Variants in CRAT observed in about 807,000 individuals in gnomAD.
CRAT encodes the protein carnitine acetylase.
A neutral mutation model predicts 73.7 loss-of-function variants in CRAT; 66 were observed. The observed-to-expected ratio is 0.90, with a 90% CI of 0.73 to 1.10. CRAT has a LOEUF of 1.10. Among genes scored for constraint, CRAT ranks in the 50% least tolerant of loss-of-function variants. The pLI is 0.00. For missense variants in CRAT, 745 were observed against 846.9 expected (o/e 0.88, Z 1.49); for synonymous variants, 321 against 343.2 (o/e 0.94, Z 0.71).
At chr9:129,104,903 C>CTTTTTTTT (rs36193924) in intron 2 of CRAT, among the ~76,000 whole-genome samples, 3 of 103,478 alleles carry the variant, frequency 2.9e-5, no homozygotes, top group Non-Finnish European at 5.6e-5. Context: ...TGTGCCCGGT[C>CTTTTTTTT]TTTTTTTTTT....
At chr9:129,108,370 G>T in intron 1 of CRAT, 1 of 1,219,052 alleles carries the variant, frequency 8.2e-7, no homozygotes, top group Non-Finnish European at 1.0e-6. Context: ...GAGGGGGACC[G>T]CCCACCTGTT....
chr9:129,100,044 G>T, intron 7 of CRAT, 78 bp from the exon 8 acceptor site: 1 of 1,117,734 alleles, frequency 8.9e-7, no homozygotes, highest in African/African-American at 1.5e-5. Flanking sequence ...CTTTGGTTGA[G>T]GCAAGGGCCT....
rs1174310824 is a variant in CRAT, at chr9:129,100,663, A to G, written c.832T>C (p.Ser278Pro). 6.8e-6 allele frequency: 11 copies of G among 1,613,758 alleles called. No individual in the cohort carries two copies. The East Asian group carries it at 2.0e-4, about 29-fold the overall frequency. ...KDKVNRDSVR[S>P]IQKSIFTVCL... ...ACGGTGAAGATGCTCTTCTGGATGG[A>G]GCGCACGGAATCCCGGTTCACCTTG... The change falls in exon 7 of 14, where the codon TCC becomes CCC. Residue 278 changes from serine (S) to proline (P), a missense_variant. By Grantham distance (74) the Ser-to-Pro change is moderately conservative. Transcript: ENST00000318080.
In CRAT at chr9:129,110,612, C is replaced by T; in HGVS notation, c.-103G>A. On this transcript the variant is annotated 5_prime_UTR_variant, in exon 1 of 14. Coordinates refer to ENST00000318080, the MANE Select transcript of CRAT (RefSeq NM_000755.5). The surrounding 1 kb of genome is among the most constrained non-coding windows in gnomAD (Gnocchi z 5.3). ...TGGGGTCGGTGGGTCCTTGCTAGAGCCTTCGGGCCAAGGTCGCTGAGTTAC... is the reference window on the plus strand; with the variant it reads ...TGGGGTCGGTGGGTCCTTGCTAGAGTCTTCGGGCCAAGGTCGCTGAGTTAC... The T allele has an allele frequency of 1.5e-6, 2 of 1,318,098 alleles. No homozygotes were observed. Among genetic ancestry groups the T allele is most frequent in the African/African-American group, 1.6e-5 (1 of 64,384 alleles). The allele number at this position is 1,318,098 out of a possible 1,614,324, so 81.7% of individuals were successfully genotyped here.
chr9:129,095,554 C>A lies in CRAT; in HGVS notation c.1724G>T (p.Gly575Val), dbSNP rs940524752. The A allele has an allele frequency of 6.2e-7, 1 of 1,613,442 alleles. No individual in the cohort carries two copies. ...FFGPVVPDGYGVCYNPMEAHI... is the reference protein window; with the variant it reads ...FFGPVVPDGYVVCYNPMEAHI... ...GGCCTCCATGGGGTTATAGCAGACA[C>A]CGTAGCCGTCGGGGACCACGGGCCC... Residue 575 changes from glycine (G) to valine (V), a missense_variant, in exon 14 of 14, where the codon GGT becomes GTT. Coordinates refer to ENST00000318080, the MANE Select transcript of CRAT (RefSeq NM_000755.5).
intron 10 of CRAT, 25 bp from the exon 11 acceptor site, chr9:129,098,173 G>A (rs369726339): frequency 3.7e-6 from 6 of 1,613,130 alleles, no homozygotes; most frequent in Admixed American, 1.7e-5. Context: ...GGCTAAGCAC[G>A]CCCCTTGGAG....
intron 1 of CRAT, chr9:129,108,656 CAGAGAG>C: frequency 8.1e-7 from 1 of 1,234,946 alleles, no homozygotes; most frequent in Non-Finnish European, 1.1e-6. Context: ...TGAGAGGCGG[CAGAGAG>C]AGAAAGAGAA....
chr9:129,096,507 C>T (rs901592741), intron 12 of CRAT, among the ~76,000 whole-genome samples: 3 of 152,230 alleles, frequency 2.0e-5, no homozygotes, highest in Admixed American at 6.5e-5. Flanking sequence ...TCTAAATGGA[C>T]GTGTGCATGT....
chr9:129,107,733 C>T lies in CRAT; in HGVS notation c.291+81G>A, dbSNP rs535517320. ...CACGAAACTCTGGGCAGCAAACGAA[C>T]GGCCGTGCCAGAGCAGTGGGCACTG... On this transcript the variant is annotated intron_variant, in intron 2 of 13. Coordinates refer to ENST00000318080, the MANE Select transcript of CRAT (RefSeq NM_000755.5). The surrounding 1 kb of genome is among the most constrained non-coding windows in gnomAD (Gnocchi z 5.0). 6.2e-5 allele frequency: 100 copies of T among 1,602,056 alleles called. 1 individual carries two copies. In the African/African-American group the frequency reaches 7.6e-4, roughly 12 times the overall value.
intron 12 of CRAT, 66 bp downstream of exon 12, chr9:129,097,184 G>A: frequency 7.1e-7 from 1 of 1,401,090 alleles, no homozygotes; most frequent in East Asian, 2.7e-5. Context: ...GGGACGGACA[G>A]TCAGAGGGAC....
chr9:129,108,463 G>C (rs746629239), intron 1 of CRAT: 36 of 1,167,246 alleles, frequency 3.1e-5, no homozygotes, highest in Middle Eastern at 7.7e-4. Flanking sequence ...AGGTCCCCAC[G>C]TCCTTTTCTC....
At position 129,102,301 on chromosome 9, in the gene CRAT, C is replaced by T. The variant is rs1272691925; in HGVS notation, c.630+99G>A. Reference sequence around the variant, plus strand: ...CGCCCATTCCTGGGGCACGTGGGCACGTGTGCTGGGGAACCCCAGTGGGGA... The same window carrying T: ...CGCCCATTCCTGGGGCACGTGGGCATGTGTGCTGGGGAACCCCAGTGGGGA... On this transcript the variant is annotated intron_variant, in intron 5 of 13. Coordinates refer to ENST00000318080, the MANE Select transcript of CRAT (RefSeq NM_000755.5). The T allele has an allele frequency of 5.9e-6, 9 of 1,513,126 alleles. No individual in the cohort carries two copies. In the African/African-American group the frequency reaches 6.9e-5, roughly 12 times the overall value. The allele number at this position is 1,513,126 out of a possible 1,614,324, so 93.7% of individuals were successfully genotyped here. A position where few individuals can be genotyped will look rare whatever the true frequency, so the allele number is the denominator to read the frequency against.
intron 1 of CRAT, chr9:129,109,371 C>A: frequency 9.8e-7 from 1 of 1,018,584 alleles, no homozygotes. Context: ...TGTTTCTCTC[C>A]AGGACTCCTG....
chr9:129,101,999 A>G lies in CRAT; in HGVS notation c.689T>C (p.Phe230Ser), dbSNP rs372395394. The change falls in exon 6 of 14, where the codon TTT (phenylalanine) becomes TCT (serine). Residue 230 changes from phenylalanine to serine, a missense_variant. Physicochemically the swap from Phe to Ser is radical, Grantham distance 155. Coordinates refer to ENST00000318080, the MANE Select transcript of CRAT (RefSeq NM_000755.5). Reference sequence around the variant, plus strand: ...GTTCCAGATCTTCTCCAGCTGCACAAAGATCTGATCCGCAGTGAGGGGTGT... The same window carrying G: ...GTTCCAGATCTTCTCCAGCTGCACAGAGATCTGATCCGCAGTGAGGGGTGT... Reference protein sequence around the residue: ...DGTPLTADQIFVQLEKIWNSS... With the variant: ...DGTPLTADQISVQLEKIWNSS... 1.2e-4 allele frequency: 192 copies of G among 1,614,212 alleles called. No individual in the cohort carries two copies. The highest frequency in any genetic ancestry group is 1.6e-4 in the Non-Finnish European group (184 of 1,180,024).
chr9:129,102,882 G>A, intron 4 of CRAT, 131 bp downstream of exon 4: 1 of 887,108 alleles, frequency 1.1e-6, no homozygotes, highest in Non-Finnish European at 1.9e-6. Flanking sequence ...CCACCAAGAG[G>A]AGATTCCAGC....
intron 2 of CRAT, among the ~76,000 whole-genome samples, chr9:129,105,005 A>G (rs1311658504): frequency 1.4e-5 from 2 of 144,378 alleles, no homozygotes; most frequent in African/African-American, 5.2e-5. Context: ...GGTTCACGCC[A>G]TTCTCCTGCC....
chr9:129,108,740 G>A (rs1263113994), intron 1 of CRAT: 2 of 1,304,054 alleles, frequency 1.5e-6, no homozygotes, highest in Non-Finnish European at 2.0e-6. Flanking sequence ...GGGCAGGCGA[G>A]TGGCAGGAGC....
chr9:129,095,286 G>C lies in CRAT; in HGVS notation c.*111C>G, dbSNP rs947035496. The C allele has an allele frequency of 2.0e-4, 235 of 1,182,608 alleles. No homozygotes were observed. The highest frequency in any genetic ancestry group is 2.0e-4 in the Non-Finnish European group (167 of 831,936). The allele number at this position is 1,182,608 out of a possible 1,614,324, so 73.3% of individuals were successfully genotyped here. ...GTCCGTGGCTCAGTAGATTTGGGGG[G>C]ACCAGGGAAGAGGGAACCAAGGAAG... On this transcript the variant is annotated 3_prime_UTR_variant, in exon 14 of 14. Coordinates refer to ENST00000318080, the MANE Select transcript of CRAT (RefSeq NM_000755.5).
intron 2 of CRAT, among the ~76,000 whole-genome samples, chr9:129,104,638 T>C (rs1847887859): frequency 6.6e-6 from 1 of 151,540 alleles, no homozygotes; most frequent in South Asian, 2.1e-4. Context: ...AGGGTCTCGC[T>C]GTGTCATGCA....
Sources: gnomAD v4.1 joint callset for allele counts (sites outside exome capture counted in the v4.1 genomes callset) on GRCh38, gnomAD v4.1.1 for gene constraint, Gnocchi (gnomAD v3.1) non-coding constraint, MANE v1.5 for transcripts, NCBI Gene and HGNC (gene_info 2026-07-23, HGNC 2026-07-21) for gene names.